The following DPYS variants were observed in gnomAD, a reference collection of about 807,000 sequenced individuals.
The protein encoded by DPYS is dihydropyrimidine amidohydrolase.
In DPYS, 39 loss-of-function variants were observed where a neutral mutation model predicts 50.3. That is an observed-to-expected ratio of 0.78 (90% CI 0.60 to 1.01). The LOEUF (loss-of-function observed/expected upper bound fraction) is 1.01, where lower values mean the gene tolerates loss of function less well. Among genes scored for constraint, DPYS ranks in the 50% least tolerant of loss-of-function variants. The probability of loss-of-function intolerance (pLI) is 0.00; values close to 1 mark genes in which losing one functional copy is unlikely to be tolerated. For synonymous variants in DPYS, 245 were observed against 250.7 expected, an observed-to-expected ratio of 0.98 and a Z score of 0.22; for missense variants, 659 against 680.9, an observed-to-expected ratio of 0.97 and a Z score of 0.36.
At chr8:104,441,626 A>C (rs1813361255) in intron 4 of DPYS, among the ~76,000 whole-genome samples, 1 of 152,192 alleles carries the variant, frequency 6.6e-6, no homozygotes, top group Admixed American at 6.5e-5. Flanking sequence ...AAGTAATTGG[A>C]GGGGCCTGGC....
intron 8 of DPYS, among the ~76,000 whole-genome samples, chr8:104,384,436 T>C (rs919209112): frequency 3.3e-5 from 5 of 152,234 alleles, no homozygotes; most frequent in Non-Finnish European, 7.3e-5. Flanking sequence ...GGAAAAGTGA[T>C]GGCACTCCTT....
At chr8:104,449,914 T>C (rs1383411746) in intron 2 of DPYS, among the ~76,000 whole-genome samples, 3 of 152,186 alleles carry the variant, frequency 2.0e-5, no homozygotes, top group Non-Finnish European at 4.4e-5. Flanking sequence ...CCATTCTGTT[T>C]GTCGTACATT....
intron 7 of DPYS, chr8:104,424,009 T>A: frequency 1.0e-6 from 1 of 985,456 alleles, no homozygotes; most frequent in Non-Finnish European, 1.2e-6. Flanking sequence ...CATATTGGTT[T>A]TATATACAGA....
At chr8:104,384,134 G>A (rs1811140325) in intron 8 of DPYS, among the ~76,000 whole-genome samples, 1 of 152,194 alleles carries the variant, frequency 6.6e-6, no homozygotes, top group African/African-American at 2.4e-5. Context: ...ACACCTGCGT[G>A]CACGGCCACC....
At chr8:104,422,118 G>A (rs1484837869) in intron 7 of DPYS, among the ~76,000 whole-genome samples, 1 of 152,172 alleles carries the variant, frequency 6.6e-6, no homozygotes, top group Non-Finnish European at 1.5e-5. Flanking sequence ...GGGCTCCCCA[G>A]GCTGGGCCCT....
At chr8:104,440,154 T>C (rs1269564447) in intron 4 of DPYS, among the ~76,000 whole-genome samples, 2 of 152,170 alleles carry the variant, frequency 1.3e-5, no homozygotes, top group Non-Finnish European at 2.9e-5. Flanking sequence ...CAGGCACATA[T>C]TAAGCACTCA....
rs1305268882 is a variant in DPYS at position 104,401,084 on chromosome 8, A to G, written c.1236-8093T>C. Among the ~76,000 whole-genome samples the G allele has an allele frequency of 3.9e-5, 6 of 152,092 alleles. No individual in the cohort carries two copies. The South Asian group carries it at 1.2e-3, about 31-fold the overall frequency. Reference sequence around the variant, plus strand: ...TGACTTGTTTTAGGTATTCTGTTATATTCTCTCCCACTCAGGCACTTTGGC... The same window carrying G: ...TGACTTGTTTTAGGTATTCTGTTATGTTCTCTCCCACTCAGGCACTTTGGC... On this transcript the variant is annotated intron_variant, in intron 7 of 9. Coordinates refer to ENST00000351513, the MANE Select transcript of DPYS (RefSeq NM_001385.3).
intron 7 of DPYS, among the ~76,000 whole-genome samples, chr8:104,396,825 CAA>C (rs5893686): frequency 6.1e-5 from 8 of 131,584 alleles, no homozygotes; most frequent in East Asian, 4.5e-4. Flanking sequence ...TGCCTCATAC[CAA>C]AAAAAAAAAA....
chr8:104,381,460 G>T, intron 8 of DPYS, 146 bp from the exon 9 acceptor site: 1 of 702,824 alleles, frequency 1.4e-6, no homozygotes. Flanking sequence ...GCCTTTCACG[G>T]AAATTCCTGG....
At chr8:104,451,007 A>G (rs986149855) in intron 2 of DPYS, among the ~76,000 whole-genome samples, 1 of 152,234 alleles carries the variant, frequency 6.6e-6, no homozygotes, top group Admixed American at 6.5e-5. Context: ...GCTGTTATGA[A>G]TGAGCATAAA....
At chr8:104,412,361 A>G (rs1457296687) in intron 7 of DPYS, among the ~76,000 whole-genome samples, 1 of 152,238 alleles carries the variant, frequency 6.6e-6, no homozygotes, top group Admixed American at 6.5e-5. Context: ...TCAAGGGCCA[A>G]TGCGAATGTT....
intron 1 of DPYS, among the ~76,000 whole-genome samples, chr8:104,466,175 A>G (rs939234992): frequency 1.4e-4 from 21 of 152,128 alleles, no homozygotes; most frequent in Non-Finnish European, 3.1e-4. Flanking sequence ...TGTAACTACC[A>G]GGTGAATGGA....
At chr8:104,394,227 T>A (rs1283334667) in intron 7 of DPYS, among the ~76,000 whole-genome samples, 1 of 152,188 alleles carries the variant, frequency 6.6e-6, no homozygotes, top group Non-Finnish European at 1.5e-5. Flanking sequence ...CAGCCTTATT[T>A]GGAAGGGCTG....
chr8:104,421,035 G>C (rs778120234), intron 7 of DPYS: 4 of 152,274 alleles, frequency 2.6e-5, no homozygotes, highest in Non-Finnish European at 5.9e-5. Flanking sequence ...TTTTACATAT[G>C]AAAGAGTGGA....
chr8:104,464,762 G>A (rs890399021), intron 1 of DPYS, among the ~76,000 whole-genome samples: 11 of 152,170 alleles, frequency 7.2e-5, no homozygotes, highest in African/African-American at 2.7e-4. Context: ...CTGAGAGGGA[G>A]AGTATTATTA....
chr8:104,427,246 G>A (rs1812759922), intron 6 of DPYS, among the ~76,000 whole-genome samples: 1 of 149,354 alleles, frequency 6.7e-6, no homozygotes. Flanking sequence ...AGATTTCATG[G>A]AAAGGAGGTA....
In DPYS at chr8:104,449,918, G is replaced by A. The variant is rs76232334; in HGVS notation, c.423+1328C>T. On this transcript the variant is annotated intron_variant, in intron 2 of 9. Transcript: ENST00000351513. Reference sequence around the variant, plus strand: ...TGTTGTTTAAGCCATTCTGTTTGTCGTACATTCTGTTTGCTAGGGTTACAG... The same window carrying A: ...TGTTGTTTAAGCCATTCTGTTTGTCATACATTCTGTTTGCTAGGGTTACAG... Among the ~76,000 whole-genome samples, 533 of 152,224 alleles carry A rather than the reference G, an allele frequency of 3.5e-3. 5 individuals carry two copies. Among genetic ancestry groups the A allele is most frequent in the African/African-American group, 0.012 (484 of 41,520 alleles).
At chr8:104,398,229 A>G (rs1811654300) in intron 7 of DPYS, among the ~76,000 whole-genome samples, 2 of 152,242 alleles carry the variant, frequency 1.3e-5, no homozygotes, top group African/African-American at 2.4e-5. Context: ...TGACACAGGA[A>G]GCAGCTACCA....
rs577964590 is a variant in DPYS at position 104,447,881 on chromosome 8, G to A, written c.424-378C>T. ...AATCATGGATCCAGCAGGAATGAAC[G>A]TTAATGTGAGGTAAGGATTCAGGTT... is the stretch of plus-strand genomic sequence containing the variant. On this transcript the variant is annotated intron_variant, in intron 2 of 9. Coordinates refer to ENST00000351513, the MANE Select transcript of DPYS (RefSeq NM_001385.3). 3.3e-5 allele frequency among the ~76,000 whole-genome samples: 5 copies of A among 152,344 alleles called. No individual in the cohort carries two copies. In the South Asian group the frequency reaches 6.2e-4, roughly 19 times the overall value.
Sources: gnomAD v4.1 joint callset for allele counts (sites outside exome capture counted in the v4.1 genomes callset) on GRCh38, gnomAD v4.1.1 for gene constraint, MANE v1.5 for transcripts, NCBI Gene and HGNC (gene_info 2026-07-23, HGNC 2026-07-21) for gene names.